Variants in ACAD9 observed in about 807,000 individuals in gnomAD.
The protein encoded by ACAD9 is complex I assembly factor ACAD9, mitochondrial.
Under a neutral mutation model 70.2 loss-of-function variants are expected in ACAD9, and 53 were observed. The observed-to-expected ratio is 0.75, with a 90% CI of 0.61 to 0.95. The LOEUF (loss-of-function observed/expected upper bound fraction) is 0.95. Among genes scored for constraint, ACAD9 ranks in the 40% least tolerant of loss-of-function variants. The pLI, the probability that ACAD9 is intolerant of heterozygous loss-of-function variation, is 0.00. For synonymous variants in ACAD9, 313 were observed against 312.1 expected (o/e 1.00, Z -0.03); for missense variants, 777 against 802.8 (o/e 0.97, Z 0.39).
In ACAD9 at chr3:128,910,434, C is replaced by T. The variant is rs139199002; in HGVS notation, c.1692+285C>T. On this transcript the variant is annotated intron_variant, in intron 16 of 17. Coordinates refer to ENST00000308982, the MANE Select transcript of ACAD9 (RefSeq NM_014049.5). ...CATTGCCCGCTGTGCTGGAGGGAGG[C>T]GGGTGCAGTCTCTGAGGACCCACTG... is the stretch of plus-strand genomic sequence containing the variant. 8.5e-3 allele frequency: 10,351 copies of T among 1,219,988 alleles called. 69 individuals are homozygous for T. The highest frequency in any genetic ancestry group is 0.01 in the Non-Finnish European group (9,327 of 897,670). The allele number at this position is 1,219,988 out of a possible 1,614,324, so 75.6% of individuals were successfully genotyped here.
Position 128,879,803 on chromosome 3 carries a change from G to T in ACAD9, c.112G>T (p.Ala38Ser), listed in dbSNP as rs749279754. 6.2e-7 allele frequency: 1 copy of T among 1,614,090 alleles called. No homozygotes were observed. Among genetic ancestry groups the T allele is most frequent in the African/African-American group, 1.3e-5 (1 of 75,056 alleles). Residue 38 changes from alanine (A) to serine (S), a missense_variant, in exon 1 of 18, where the codon GCT (alanine) becomes TCT (serine). Coordinates refer to ENST00000308982, the MANE Select transcript of ACAD9 (RefSeq NM_014049.5). ...RLLRTSPPVR[A>S]FAKELFLGKI... ...ACTGCGCACCAGCCCGCCTGTACGA[G>T]CTTTCGCCAAAGAGCTTTTCCTAGG...
chr3:128,902,568 C>T lies in ACAD9; in HGVS notation c.898C>T (p.Leu300Phe). ...GDGFKVAMNI[L>F]NSGRFSMGSV... is the part of the protein sequence containing the mutation. The stretch of plus-strand genomic sequence containing the variant: ...CTCCCTGCAGGTGGCCATGAACATC[C>T]TCAACAGCGGCCGGTTCAGCATGGG... Residue 300 changes from leucine to phenylalanine, a missense_variant, in exon 9 of 18, where the codon CTC becomes TTC. Physicochemically the swap from Leu to Phe is conservative, Grantham distance 22 (BLOSUM62 0). Coordinates refer to ENST00000308982, the MANE Select transcript of ACAD9 (RefSeq NM_014049.5). This position sits in a 1 kb window ranked among gnomAD's most constrained non-coding sequence, Gnocchi z 4.0. The T allele has an allele frequency of 6.2e-7, 1 of 1,614,218 alleles. No homozygotes were observed. The highest frequency in any genetic ancestry group is 8.5e-7 in the Non-Finnish European group (1 of 1,180,032).
In ACAD9 at chr3:128,906,115, C is replaced by G. The variant is rs1935880665; in HGVS notation, c.1150-6C>G. The G allele has an allele frequency of 3.7e-6, 6 of 1,614,170 alleles. No homozygotes were observed. Among genetic ancestry groups the G allele is most frequent in the Non-Finnish European group, 4.2e-6 (5 of 1,180,034 alleles). On this transcript the variant is annotated splice_polypyrimidine_tract_variant and splice_region_variant and intron_variant, in intron 11 of 17. Coordinates refer to ENST00000308982, the MANE Select transcript of ACAD9 (RefSeq NM_014049.5). ...TTTGGAAAGGATTCAGTGTGACACCCCACAGGTGTTCAGCTCCGAGGCCGC... is the reference window on the plus strand; with the variant it reads ...TTTGGAAAGGATTCAGTGTGACACCGCACAGGTGTTCAGCTCCGAGGCCGC...
intron 10 of ACAD9, 109 bp downstream of exon 10, chr3:128,904,241 T>A: frequency 6.3e-7 from 1 of 1,574,810 alleles, no homozygotes; most frequent in Non-Finnish European, 8.7e-7. Context: ...GGAAGAAGAC[T>A]AGTTAAGGCT....
intron 11 of ACAD9, among the ~76,000 whole-genome samples, chr3:128,905,802 C>T (rs960862058): frequency 3.9e-5 from 6 of 152,116 alleles, no homozygotes; most frequent in African/African-American, 1.2e-4. Flanking sequence ...AAAGAAATCA[C>T]GGCCGCTGGG....
chr3:128,900,524 C>CTT (rs1168732085), intron 7 of ACAD9, among the ~76,000 whole-genome samples: 2,402 of 140,394 alleles, frequency 0.017, 76 homozygotes, highest in African/African-American at 0.059. Flanking sequence ...CGCACCCGGC[C>CTT]TTTTTTTTTT....
At chr3:128,903,992 T>A (rs755805335) in intron 9 of ACAD9, 70 bp from the exon 10 acceptor site, 4 of 1,521,520 alleles carry the variant, frequency 2.6e-6, no homozygotes, top group Non-Finnish European at 3.6e-6. Flanking sequence ...GTAAGGATGA[T>A]GGCCATAGGA....
chr3:128,881,272 C>T (rs1935083920), intron 1 of ACAD9, among the ~76,000 whole-genome samples: 1 of 152,230 alleles, frequency 6.6e-6, no homozygotes, highest in Non-Finnish European at 1.5e-5. Flanking sequence ...AGAAAGAACA[C>T]AGATCTTTCA....
chr3:128,892,409 T>A lies in ACAD9; in HGVS notation c.245-1146T>A, dbSNP rs181244087. Among the ~76,000 whole-genome samples the A allele has an allele frequency of 4.6e-5, 7 of 152,360 alleles. No individual in the cohort carries two copies. In the East Asian group the frequency reaches 1.2e-3, roughly 25 times the overall value. Reference sequence around the variant, plus strand: ...GTAGGTTATGGTGTTTTTAACAATTTATAATACTGATGAAGTTTAATTAGC... The same window carrying A: ...GTAGGTTATGGTGTTTTTAACAATTAATAATACTGATGAAGTTTAATTAGC... On this transcript the variant is annotated intron_variant, in intron 2 of 17. Coordinates refer to ENST00000308982, the MANE Select transcript of ACAD9 (RefSeq NM_014049.5).
At position 128,909,376 on chromosome 3, in the gene ACAD9, C is replaced by T. The variant is rs1936038822; in HGVS notation, c.1518C>T (p.Tyr506=). Residue 506 remains tyrosine (Y), a synonymous_variant, in exon 15 of 18, where the codon TAC becomes TAT. Coordinates refer to ENST00000308982, the MANE Select transcript of ACAD9 (RefSeq NM_014049.5). Reference sequence around the variant, plus strand: ...CCAACAAGTTTGAGGAGAACACCTACTGCTTCGGCCGGACCGTGGAGACAC... The same window carrying T: ...CCAACAAGTTTGAGGAGAACACCTATTGCTTCGGCCGGACCGTGGAGACAC... ...DSANKFEENT[Y]CFGRTVETLL... 1.9e-6 allele frequency: 3 copies of T among 1,614,206 alleles called. No individual in the cohort carries two copies. The highest frequency in any genetic ancestry group is 2.5e-6 in the Non-Finnish European group (3 of 1,180,044).
intron 15 of ACAD9, 34 bp downstream of exon 15, chr3:128,909,455 G>C (rs775636113): frequency 6.2e-7 from 1 of 1,607,364 alleles, no homozygotes; most frequent in Admixed American, 1.7e-5. Flanking sequence ...GGTCGCAAGC[G>C]GTCCTCCAAT....
At chr3:128,905,618 G>A (rs998332777) in intron 11 of ACAD9, among the ~76,000 whole-genome samples, 3 of 152,238 alleles carry the variant, frequency 2.0e-5, no homozygotes, top group Non-Finnish European at 4.4e-5. Flanking sequence ...TTTTCTAGGT[G>A]CAGTCTGTGT....
At chr3:128,895,723 C>T (rs1935551885) in intron 4 of ACAD9, among the ~76,000 whole-genome samples, 1 of 151,506 alleles carries the variant, frequency 6.6e-6, no homozygotes. Context: ...GAAGTGGTCT[C>T]TCCTGAGCCT....
intron 14 of ACAD9, 116 bp downstream of exon 14, chr3:128,909,215 AC>A: frequency 6.3e-7 from 1 of 1,595,432 alleles, no homozygotes; most frequent in South Asian, 1.1e-5. Flanking sequence ...GTTGGGGAAC[AC>A]CAGCTAGTCC....
intron 16 of ACAD9, 160 bp downstream of exon 16, chr3:128,910,309 G>GGGCTGTTCC (rs1339368607): frequency 6.7e-7 from 1 of 1,487,696 alleles, no homozygotes; most frequent in Admixed American, 2.2e-5. Context: ...TCAGGAGATG[G>GGGCTGTTCC]GGCTGTTCCC....
chr3:128,905,079 C>T lies in ACAD9; in HGVS notation c.1149+574C>T, dbSNP rs552382057. Among the ~76,000 whole-genome samples the T allele has an allele frequency of 7.9e-5, 12 of 151,938 alleles. No homozygotes were observed. The East Asian group carries it at 1.6e-3, about 20-fold the overall frequency. ...GAGAATCACTTGAACCCGGTGGGGG[C>T]GGAGGTTGCAGTGAGCCGAGGTTGT... On this transcript the variant is annotated intron_variant, in intron 11 of 17. Coordinates refer to ENST00000308982, the MANE Select transcript of ACAD9 (RefSeq NM_014049.5).
At chr3:128,900,514 C>T (rs813732) in intron 7 of ACAD9, among the ~76,000 whole-genome samples, 57,926 of 151,072 alleles carry the variant, frequency 0.38, 12,499 homozygotes, top group African/African-American at 0.57. Flanking sequence ...CGTGAGCCAC[C>T]GCACCCGGCC....
rs192659955 is a variant in ACAD9, at chr3:128,897,066, T to C, written c.554+530T>C. 1.1e-4 allele frequency among the ~76,000 whole-genome samples: 16 copies of C among 152,334 alleles called. No individual in the cohort carries two copies. In the East Asian group the frequency reaches 3.1e-3, roughly 29 times the overall value. On this transcript the variant is annotated intron_variant, in intron 5 of 17. Coordinates refer to ENST00000308982, the MANE Select transcript of ACAD9 (RefSeq NM_014049.5). ...CCTCACAGGACCTCAGATGAGCCCA[T>C]TGCAAGCACCCATTTCCATGTTTAA... is the stretch of plus-strand genomic sequence containing the variant.
At chr3:128,908,598 C>T (rs1281798071) in intron 13 of ACAD9, 6 of 548,060 alleles carry the variant, frequency 1.1e-5, no homozygotes, top group Non-Finnish European at 2.0e-5. Flanking sequence ...CCAACATAAG[C>T]CAGTGTTTCT....
Sources: allele counts gnomAD v4.1 joint callset (sites outside exome capture counted in the v4.1 genomes callset), GRCh38; gene constraint gnomAD v4.1.1; non-coding constraint Gnocchi (gnomAD v3.1); transcripts MANE v1.5; gene names NCBI Gene and HGNC (gene_info 2026-07-23, HGNC 2026-07-21).